Variants in FHL3 observed in about 807,000 individuals in gnomAD.
FHL3 encodes four and a half LIM domains 3.
In FHL3, 21 loss-of-function variants were observed where a neutral mutation model predicts 34.3. The observed-to-expected ratio is 0.61, with a 90% confidence interval of 0.43 to 0.88. The LOEUF (loss-of-function observed/expected upper bound fraction) is 0.88, where lower values mean the gene tolerates loss of function less well. Among genes scored for constraint, FHL3 ranks in the 40% least tolerant of loss-of-function variants. The pLI, the probability that FHL3 is intolerant of heterozygous loss-of-function variation, is 0.00. For synonymous variants in FHL3, 137 were observed against 144.6 expected (o/e 0.95, Z 0.38); for missense variants, 333 against 373.7 (o/e 0.89, Z 0.90).
rs1421586145 is a variant in FHL3, at chr1:37,997,987, A to G, written c.477T>C (p.Ala159=). 17 of 1,613,970 alleles carry G rather than the reference A, an allele frequency of 1.1e-5. No homozygotes were observed. Among genetic ancestry groups the G allele is most frequent in the Non-Finnish European group, 1.4e-5 (17 of 1,179,994 alleles). ...CCTTGCTGCAGCGGGCGCAGCGAGGAGCAAACTTGTTCTCATAGCAGGGCA... is the reference window on the plus strand; with the variant it reads ...CCTTGCTGCAGCGGGCGCAGCGAGGGGCAAACTTGTTCTCATAGCAGGGCA... The part of the protein sequence containing the change: ...YCVPCYENKF[A]PRCARCSKTL... The change falls in exon 4 of 6, where the codon GCT becomes GCC. Residue 159 remains alanine, a synonymous_variant. Coordinates refer to ENST00000373016, the MANE Select transcript of FHL3 (RefSeq NM_004468.5). This position sits in a 1 kb window ranked among gnomAD's most constrained non-coding sequence, Gnocchi z 4.3.
chr1:37,998,587 T>C (rs550591573), intron 3 of FHL3: 1 of 275,576 alleles, frequency 3.6e-6, no homozygotes, highest in Non-Finnish European at 7.0e-6. Context: ...GGCACACCAT[T>C]CTCCATAGGT....
At chr1:38,001,736 A>G (rs1646597449) in intron 1 of FHL3, among the ~76,000 whole-genome samples, 1 of 152,140 alleles carries the variant, frequency 6.6e-6, no homozygotes, top group Middle Eastern at 3.2e-3. Context: ...TGCACCTCCA[A>G]CAATCTCCCC....
chr1:37,997,264 C>G lies in FHL3; in HGVS notation c.*141G>C. Reference sequence around the variant, plus strand: ...GTCAGGGAGTACCAGTTTGGGGATGCTGGAGTGGGGAGACAATCCTGGAGC... The same window carrying G: ...GTCAGGGAGTACCAGTTTGGGGATGGTGGAGTGGGGAGACAATCCTGGAGC... On this transcript the variant is annotated 3_prime_UTR_variant, in exon 6 of 6. Coordinates refer to ENST00000373016, the MANE Select transcript of FHL3 (RefSeq NM_004468.5). The surrounding 1 kb of genome is among the most constrained non-coding windows in gnomAD (Gnocchi z 4.3). 1.1e-6 allele frequency: 1 copy of G among 877,934 alleles called. No homozygotes were observed. The highest frequency in any genetic ancestry group is 1.8e-6 in the Non-Finnish European group (1 of 566,360). 54.4% of individuals were successfully genotyped at this position (877,934 alleles called of 1,614,324 possible). A position where few individuals can be genotyped will look rare whatever the true frequency, so the allele number is the denominator to read the frequency against.
Position 37,997,144 on chromosome 1 carries a change from C to A in FHL3, c.*261G>T, listed in dbSNP as rs539883663. On this transcript the variant is annotated 3_prime_UTR_variant, in exon 6 of 6. Coordinates refer to ENST00000373016, the MANE Select transcript of FHL3 (RefSeq NM_004468.5). The surrounding 1 kb of genome is among the most constrained non-coding windows in gnomAD (Gnocchi z 4.3). Reference sequence around the variant, plus strand: ...GGGGAGAGGACTCAGTCTGGGAACCCAGACTGCAGGGGAGAGGGTGAATTC... The same window carrying A: ...GGGGAGAGGACTCAGTCTGGGAACCAAGACTGCAGGGGAGAGGGTGAATTC... 233 of 440,834 alleles carry A rather than the reference C, an allele frequency of 5.3e-4. 1 individual carries two copies. The highest frequency in any genetic ancestry group is 3.4e-3 in the South Asian group (112 of 32,844). The allele number at this position is 440,834 out of a possible 1,614,324, so 27.3% of individuals were successfully genotyped here. A position where few individuals can be genotyped will look rare whatever the true frequency, so the allele number is the denominator to read the frequency against.
In FHL3 at chr1:37,997,145, A is replaced by C. The variant is rs1415475302; in HGVS notation, c.*260T>G. 1 of 437,940 alleles carries C rather than the reference A, an allele frequency of 2.3e-6. No homozygotes were observed. The highest frequency in any genetic ancestry group is 2.0e-5 in the African/African-American group (1 of 49,746). The allele number at this position is 437,940 out of a possible 1,614,324, so 27.1% of individuals were successfully genotyped here. A position where few individuals can be genotyped will look rare whatever the true frequency, so the allele number is the denominator to read the frequency against. On this transcript the variant is annotated 3_prime_UTR_variant, in exon 6 of 6. Transcript: ENST00000373016. The surrounding 1 kb of genome is among the most constrained non-coding windows in gnomAD (Gnocchi z 4.3). ...GGGAGAGGACTCAGTCTGGGAACCC[A>C]GACTGCAGGGGAGAGGGTGAATTCT...
intron 1 of FHL3, among the ~76,000 whole-genome samples, chr1:38,003,066 GA>G (rs1194818945): frequency 6.6e-6 from 1 of 152,018 alleles, no homozygotes; most frequent in African/African-American, 2.4e-5. Flanking sequence ...GCTGAGGCAG[GA>G]GAATTGCTTG....
chr1:37,998,769 G>A (rs1646562152), intron 3 of FHL3: 1 of 589,198 alleles, frequency 1.7e-6, no homozygotes, highest in African/African-American at 1.9e-5. Flanking sequence ...AAGCCCCCAA[G>A]TATGTATCAC....
rs1646549015 is a variant in FHL3, at chr1:37,997,720, CAA to C, written c.650_651del (p.Phe217CysfsTer3). 6.2e-7 allele frequency: 1 copy of C among 1,614,150 alleles called. No individual in the cohort carries two copies. Among genetic ancestry groups the C allele is most frequent in the Non-Finnish European group, 8.5e-7 (1 of 1,180,008 alleles). ...PYCVACFGEL[F>X]APKCSSCKRP... The stretch of plus-strand genomic sequence containing the variant: ...CGCTTGCAGCTGCTGCACTTAGGTG[CAA>C]AGAGTTCTCCAAAACAGGCCACACA... On this transcript the variant is annotated frameshift_variant, in exon 5 of 6. Coordinates refer to ENST00000373016, the MANE Select transcript of FHL3 (RefSeq NM_004468.5). LOFTEE classifies it high-confidence loss of function. This position sits in a 1 kb window ranked among gnomAD's most constrained non-coding sequence, Gnocchi z 4.3.
In FHL3 at chr1:37,997,776, T is replaced by C; in HGVS notation, c.596A>G (p.Gln199Arg). The change falls in exon 5 of 6, where the codon CAG (glutamine) becomes CGG (arginine). Residue 199 changes from glutamine (Q) to arginine (R), a missense_variant. Transcript: ENST00000373016. This position sits in a 1 kb window ranked among gnomAD's most constrained non-coding sequence, Gnocchi z 4.3. ...TGCQTPLAGQ[Q>R]FTSRDEDPYC... ...GGGATCTTCATCCCGGGAGGTGAACTGCTGCCCTGCCAGGGGCGTCTGGCA... is the reference window on the plus strand; with the variant it reads ...GGGATCTTCATCCCGGGAGGTGAACCGCTGCCCTGCCAGGGGCGTCTGGCA... The C allele has an allele frequency of 6.2e-7, 1 of 1,614,154 alleles. No individual in the cohort carries two copies. The highest frequency in any genetic ancestry group is 1.7e-4 in the Middle Eastern group (1 of 6,060).
rs1007943236 is a variant in FHL3 at position 37,996,977 on chromosome 1, G to A, written c.*428C>T. On this transcript the variant is annotated 3_prime_UTR_variant, in exon 6 of 6. Coordinates refer to ENST00000373016, the MANE Select transcript of FHL3 (RefSeq NM_004468.5). ...TCAACCGCGGGGATGGGGTGGGGCAGGTCAAGCCTGAGAACAGTCCACTTT... is the reference window on the plus strand; with the variant it reads ...TCAACCGCGGGGATGGGGTGGGGCAAGTCAAGCCTGAGAACAGTCCACTTT... The A allele has an allele frequency of 8.1e-5, 13 of 161,088 alleles. No individual in the cohort carries two copies. Among genetic ancestry groups the A allele is most frequent in the Non-Finnish European group, 1.6e-4 (12 of 73,456 alleles). 10.0% of individuals were successfully genotyped at this position (161,088 alleles called of 1,614,324 possible). A position where few individuals can be genotyped will look rare whatever the true frequency, so the allele number is the denominator to read the frequency against.
At chr1:38,004,631 T>G (rs1156914456) in intron 1 of FHL3, among the ~76,000 whole-genome samples, 22 of 152,186 alleles carry the variant, frequency 1.4e-4, no homozygotes, top group Admixed American at 1.4e-3. Flanking sequence ...ATCTCAAGTC[T>G]TGGTCTCTTC....
At chr1:38,004,942 T>C (rs1646628751) in intron 1 of FHL3, among the ~76,000 whole-genome samples, 2 of 152,058 alleles carry the variant, frequency 1.3e-5, no homozygotes, top group South Asian at 2.1e-4. Flanking sequence ...CCAGTAACTC[T>C]GTACGCCCGG....
intron 1 of FHL3, among the ~76,000 whole-genome samples, chr1:38,002,155 G>A (rs1351834574): frequency 6.6e-6 from 1 of 151,012 alleles, no homozygotes; most frequent in Non-Finnish European, 1.5e-5. Context: ...CTGGGGTACA[G>A]TGGCGCAATC....
intron 1 of FHL3, among the ~76,000 whole-genome samples, chr1:38,003,071 T>C (rs1250635185): frequency 6.6e-6 from 1 of 152,052 alleles, no homozygotes; most frequent in East Asian, 2.0e-4. Flanking sequence ...GGCAGGAGAA[T>C]TGCTTGAACC....
chr1:37,999,893 C>T (rs947742973), intron 1 of FHL3, among the ~76,000 whole-genome samples: 5 of 152,216 alleles, frequency 3.3e-5, no homozygotes, highest in Non-Finnish European at 7.3e-5. Flanking sequence ...AACCCTTAAC[C>T]AGAGCTCTGG....
rs754432586 is a variant in FHL3, at chr1:37,997,916, C to A, written c.502-46G>T. ...AGTAGGTATGAGTGGGGATTCCCAC[C>A]CCACAACAGGCCTCACTCACCCCCA... On this transcript the variant is annotated intron_variant, in intron 4 of 5. Coordinates refer to ENST00000373016, the MANE Select transcript of FHL3 (RefSeq NM_004468.5). The surrounding 1 kb of genome is among the most constrained non-coding windows in gnomAD (Gnocchi z 4.3). 4.3e-6 allele frequency: 7 copies of A among 1,613,866 alleles called. No individual in the cohort carries two copies. The highest frequency in any genetic ancestry group is 5.9e-6 in the Non-Finnish European group (7 of 1,179,828).
Position 37,999,242 on chromosome 1 carries a change from T to TGGCCC in FHL3, c.156+10_156+14dup. The TGGCCC allele has an allele frequency of 1.2e-6, 2 of 1,614,176 alleles. No homozygotes were observed. Among genetic ancestry groups the TGGCCC allele is most frequent in the Non-Finnish European group, 1.7e-6 (2 of 1,180,022 alleles). Reference sequence around the variant, plus strand: ...GTCACCACCCACCTCCTGCCTGGCCTGGCCCTCTCCTTACCCTCGAGTCAT... The same window carrying TGGCCC: ...GTCACCACCCACCTCCTGCCTGGCCTGGCCCGGCCCTCTCCTTACCCTCGAGTCAT... On this transcript the variant is annotated intron_variant, in intron 2 of 5. Coordinates refer to ENST00000373016, the MANE Select transcript of FHL3 (RefSeq NM_004468.5).
At position 37,999,093 on chromosome 1, in the gene FHL3, C is replaced by A; in HGVS notation, c.212G>T (p.Cys71Phe). The change falls in exon 3 of 6, where the codon TGC becomes TTC. Residue 71 changes from cysteine to phenylalanine, a missense_variant. By Grantham distance (205) the Cys-to-Phe change is radical. Transcript: ENST00000373016. ...GGGTTCATCGGCTAGTGAGCGCTGG[C>A]AGCGGCAGCAGCGGAAGCAGCCCTC... ...FHEGCFRCCR[C>F]QRSLADEPFT... is the part of the protein sequence containing the mutation. 1 of 1,614,198 alleles carries A rather than the reference C, an allele frequency of 6.2e-7. No homozygotes were observed. Among genetic ancestry groups the A allele is most frequent in the Non-Finnish European group, 8.5e-7 (1 of 1,180,044 alleles).
At chr1:37,998,555 T>C (rs1343081748) in intron 3 of FHL3, among the ~76,000 whole-genome samples, 2 of 152,104 alleles carry the variant, frequency 1.3e-5, no homozygotes, top group Non-Finnish European at 2.9e-5. Context: ...GTTCGGTACA[T>C]GCTAAGCCCT....
Sources: allele counts gnomAD v4.1 joint callset (sites outside exome capture counted in the v4.1 genomes callset), GRCh38; gene constraint gnomAD v4.1.1; non-coding constraint Gnocchi (gnomAD v3.1); transcripts MANE v1.5; gene names NCBI Gene and HGNC (gene_info 2026-07-23, HGNC 2026-07-21).